Variants in DCAF6 observed in about 807,000 individuals in gnomAD.
DCAF6 encodes the protein DDB1 and CUL4 associated factor 6, also known as DDB1- and CUL4-associated factor 6.
In DCAF6, 54 loss-of-function variants were observed where a neutral mutation model predicts 125.1. The ratio of observed to expected loss-of-function variants is 0.43; its 90% CI spans 0.35 to 0.54. DCAF6 has a LOEUF of 0.54. Ranked by LOEUF, DCAF6 falls within the 20% of genes least tolerant of loss-of-function variation. The pLI, the probability that DCAF6 is intolerant of heterozygous loss-of-function variation, is 0.01. For missense variants in DCAF6, 934 were observed against 1,161.7 expected (o/e 0.80, Z 2.85); for synonymous variants, 371 against 390.4 (o/e 0.95, Z 0.58).
At chr1:168,010,578 A>T (rs1235972839) in intron 10 of DCAF6, among the ~76,000 whole-genome samples, 1 of 152,076 alleles carries the variant, frequency 6.6e-6, no homozygotes, top group Non-Finnish European at 1.5e-5. Flanking sequence ...CCAGAATTTG[A>T]AGATATTTTG....
chr1:167,939,026 T>C (rs1175069869), intron 1 of DCAF6, among the ~76,000 whole-genome samples: 1 of 152,232 alleles, frequency 6.6e-6, no homozygotes, highest in Non-Finnish European at 1.5e-5. Flanking sequence ...ATAGGACATT[T>C]TTGGAATGAC....
At chr1:168,028,998 A>G (rs1023053584) in intron 12 of DCAF6, among the ~76,000 whole-genome samples, 1 of 152,210 alleles carries the variant, frequency 6.6e-6, no homozygotes, top group Non-Finnish European at 1.5e-5. Flanking sequence ...TCTTAGAACT[A>G]GTTATCACTT....
chr1:168,039,644 C>A (rs547710024), intron 13 of DCAF6, among the ~76,000 whole-genome samples: 2 of 145,938 alleles, frequency 1.4e-5, no homozygotes, highest in African/African-American at 5.0e-5. Flanking sequence ...TGTTTAATGA[C>A]AATATATTAA....
intron 4 of DCAF6, among the ~76,000 whole-genome samples, chr1:167,985,211 G>GTGTGTGT (rs766572428): frequency 1.5e-5 from 2 of 134,326 alleles, no homozygotes; most frequent in East Asian, 2.1e-4. Context: ...GTGTGTGTGT[G>GTGTGTGT]GTGTGTGTGT....
intron 12 of DCAF6, among the ~76,000 whole-genome samples, chr1:168,026,679 C>G (rs1280406983): frequency 6.6e-6 from 1 of 151,610 alleles, no homozygotes; most frequent in South Asian, 2.1e-4. Flanking sequence ...GGAGGAACAG[C>G]TAGCTGATTT....
At chr1:167,985,198 TGTGTGTGTGTGTGGTGTGTGTGTGTGTG>T (rs1346406866) in intron 4 of DCAF6, among the ~76,000 whole-genome samples, 7 of 149,446 alleles carry the variant, frequency 4.7e-5, no homozygotes, top group Non-Finnish European at 1.0e-4. Context: ...TGTGTGTGTG[TGTGTGTGTGTGTGGTGTGTGTGTGTGTG>T]GTGTGTGTGT....
intron 3 of DCAF6, among the ~76,000 whole-genome samples, chr1:167,973,521 C>A (rs1571742374): frequency 6.6e-6 from 1 of 152,182 alleles, no homozygotes; most frequent in Non-Finnish European, 1.5e-5. Context: ...ATTGTCATTT[C>A]TTCTACATTT....
chr1:167,890,079 G>A, the DCAF6 span, among the ~76,000 whole-genome samples: 2 of 152,144 alleles, frequency 1.3e-5, no homozygotes, highest in Non-Finnish European at 1.5e-5. Flanking sequence ...AGTTCCTTTG[G>A]TGAGGTCATG....
At chr1:167,983,582 A>G (rs1344760183) in intron 4 of DCAF6, among the ~76,000 whole-genome samples, 2 of 152,240 alleles carry the variant, frequency 1.3e-5, no homozygotes, top group Admixed American at 6.5e-5. Context: ...TTGCTTGTTC[A>G]GAGCCTCAAG....
At chr1:168,042,939 A>C (rs903238797) in intron 13 of DCAF6, 86 bp from the exon 14 acceptor site, 10 of 943,740 alleles carry the variant, frequency 1.1e-5, no homozygotes, top group East Asian at 2.6e-5. Context: ...TTTTTGGTCT[A>C]CCTTTCTAGT....
At chr1:167,960,250 A>AAGAGC (rs1279274112) in intron 2 of DCAF6, among the ~76,000 whole-genome samples, 2 of 150,166 alleles carry the variant, frequency 1.3e-5, no homozygotes, top group Non-Finnish European at 3.0e-5. Flanking sequence ...CCAATACCAC[A>AAGAGC]CTGTCTTATT....
At chr1:167,978,997 C>T (rs1678671889) in intron 4 of DCAF6, among the ~76,000 whole-genome samples, 1 of 152,062 alleles carries the variant, frequency 6.6e-6, no homozygotes, top group African/African-American at 2.4e-5. Flanking sequence ...TGGTCTGCTC[C>T]TTTATGATTA....
chr1:168,070,051 A>C (rs1415214367), intron 21 of DCAF6, among the ~76,000 whole-genome samples: 1 of 152,086 alleles, frequency 6.6e-6, no homozygotes, highest in Non-Finnish European at 1.5e-5. Flanking sequence ...TTCCAGTTGC[A>C]CAAAAATCTA....
At chr1:167,880,131 C>T in the DCAF6 span, 99 of 1,612,690 alleles carry the variant, frequency 6.1e-5, no homozygotes, top group Non-Finnish European at 8.0e-5. Flanking sequence ...ACTCGTGTCT[C>T]ACAGTGTGTC....
intron 21 of DCAF6, among the ~76,000 whole-genome samples, chr1:168,071,722 C>G (rs1693062924): frequency 6.6e-6 from 1 of 152,142 alleles, no homozygotes; most frequent in Non-Finnish European, 1.5e-5. Context: ...AGATACCACC[C>G]CCTCTTAAAA....
intron 7 of DCAF6, among the ~76,000 whole-genome samples, chr1:167,994,031 ATAAT>A (rs1441026577): frequency 2.0e-5 from 3 of 150,908 alleles, no homozygotes; most frequent in Non-Finnish European, 2.9e-5. Context: ...ATTTGTAATT[ATAAT>A]TAGTAATGAC....
In DCAF6 at chr1:167,964,431, C is replaced by T. The variant is rs1338615262; in HGVS notation, c.160-2198C>T. Among the ~76,000 whole-genome samples the T allele has an allele frequency of 2.6e-5, 4 of 152,132 alleles. No individual in the cohort carries two copies. In the East Asian group the frequency reaches 5.8e-4, roughly 22 times the overall value. Reference sequence around the variant, plus strand: ...GTTGGATGTAATTCTTATCTTTGCTCCTCTATAGATAATGTTTTTTCCTCC... The same window carrying T: ...GTTGGATGTAATTCTTATCTTTGCTTCTCTATAGATAATGTTTTTTCCTCC... On this transcript the variant is annotated intron_variant, in intron 2 of 21. Transcript: ENST00000367840.
the DCAF6 span, among the ~76,000 whole-genome samples, chr1:167,923,869 C>G: frequency 6.6e-6 from 1 of 152,094 alleles, no homozygotes. Context: ...ACTGCAGGTC[C>G]AGAGAGATGA....
chr1:168,022,946 TCTG>T, intron 11 of DCAF6, 39 bp from the exon 12 acceptor site: 1 of 1,581,674 alleles, frequency 6.3e-7, no homozygotes, highest in South Asian at 1.1e-5. Flanking sequence ...TGTGCAGTTT[TCTG>T]CTGCTTACTT....
Sources: gnomAD v4.1 joint callset for allele counts (sites outside exome capture counted in the v4.1 genomes callset) on GRCh38, gnomAD v4.1.1 for gene constraint, MANE v1.5 for transcripts, NCBI Gene and HGNC (gene_info 2026-07-23, HGNC 2026-07-21) for gene names.